The following BTK variants were observed in gnomAD, a reference collection of about 807,000 sequenced individuals.
The protein encoded by BTK is Bruton tyrosine kinase.
A neutral mutation model predicts 57.4 loss-of-function variants in BTK; 5 were observed. The observed-to-expected ratio is 0.09, with a 90% confidence interval of 0.05 to 0.18. The LOEUF (loss-of-function observed/expected upper bound fraction) is 0.18, where lower values mean the gene tolerates loss of function less well. BTK is among the 10% of genes least tolerant of loss of function. BTK has a pLI of 1.00. For synonymous variants in BTK, 154 were observed against 174.3 expected (o/e 0.88, Z 0.92); for missense variants, 194 against 501.2 (o/e 0.39, Z 5.85).
intron 7 of BTK, among the ~76,000 whole-genome samples, chrX:101,361,310 C>T (rs1438471091): frequency 9.0e-6 from 1 of 110,895 alleles, no homozygotes; most frequent in African/African-American, 3.3e-5. Context: ...GGAATGGGAC[C>T]CAAACATTAC....
intron 8 of BTK, 36 bp downstream of exon 8, chrX:101,360,532 A>G (rs1555978467): frequency 1.7e-6 from 2 of 1,194,745 alleles, no homozygotes; most frequent in Admixed American, 4.3e-5. Context: ...GGGAGTGGGC[A>G]GGCACCAGGC....
chrX:101,364,745 G>C (rs781848967), intron 5 of BTK, among the ~76,000 whole-genome samples: 6 of 109,609 alleles, frequency 5.5e-5, no homozygotes, highest in Non-Finnish European at 1.1e-4. Flanking sequence ...TGCATAGAGG[G>C]AATTTTTTTT....
chrX:101,388,227 T>C (rs962934933), upstream of BTK, among the ~76,000 whole-genome samples: 1 of 111,216 alleles, frequency 9.0e-6, no homozygotes, highest in Non-Finnish European at 1.9e-5. Context: ...AGATCCATCT[T>C]GGGGTGGGGA....
intron 3 of BTK, among the ~76,000 whole-genome samples, chrX:101,372,529 A>C (rs1927065772): frequency 9.2e-6 from 1 of 109,123 alleles, no homozygotes. Context: ...GCTCACTGCA[A>C]CCTCCGCCTC....
Position 101,356,959 on chromosome X carries a change from A to G in BTK, c.1178-4T>C. Reference sequence around the variant, plus strand: ...TTTGGATCAATTTCCCATGATCCTAACAATAAAGTCTTGGTGTGATTCTTT... The same window carrying G: ...TTTGGATCAATTTCCCATGATCCTAGCAATAAAGTCTTGGTGTGATTCTTT... On this transcript the variant is annotated splice_polypyrimidine_tract_variant and splice_region_variant and intron_variant, in intron 13 of 18. Transcript: ENST00000308731. The G allele has an allele frequency of 8.3e-7, 1 of 1,211,250 alleles. No homozygotes were observed. Among genetic ancestry groups the G allele is most frequent in the Non-Finnish European group, 1.1e-6 (1 of 894,765 alleles).
At position 101,353,197 on chromosome X, in the gene BTK, A is replaced by G. The variant is rs1639197227; in HGVS notation, c.1905T>C (p.His635=). ...KVYTIMYSCW[H]EKADERPTFK... is the part of the protein sequence containing the mutation. The stretch of plus-strand genomic sequence containing the variant: ...GAGATCCTAATAAAGCACTTACCTC[A>G]TGCCAGCAACTGTACATGATGGTAT... Residue 635 remains histidine, a synonymous_variant, in exon 18 of 19, where the codon CAT becomes CAC. Coordinates refer to ENST00000308731, the MANE Select transcript of BTK (RefSeq NM_000061.3). 8.3e-7 allele frequency: 1 copy of G among 1,210,346 alleles called. No individual in the cohort carries two copies. Among genetic ancestry groups the G allele is most frequent in the Non-Finnish European group, 1.1e-6 (1 of 894,715 alleles).
At chrX:101,389,050 G>A (rs1352656179), upstream of BTK, among the ~76,000 whole-genome samples, 1 of 111,526 alleles carries the variant, frequency 9.0e-6, no homozygotes, top group Non-Finnish European at 1.9e-5. Flanking sequence ...GATCTAATGT[G>A]CAATATAGTG....
intron 3 of BTK, among the ~76,000 whole-genome samples, chrX:101,372,530 C>T (rs1184539936): frequency 9.1e-6 from 1 of 109,299 alleles, no homozygotes; most frequent in Non-Finnish European, 1.9e-5. Context: ...CTCACTGCAA[C>T]CTCCGCCTCC....
chrX:101,389,579 T>C (rs3027600), upstream of BTK, among the ~76,000 whole-genome samples: 36,419 of 110,373 alleles, frequency 0.33, 7,192 homozygotes, highest in African/African-American at 0.75. Flanking sequence ...CGCGTGTTCC[T>C]GGAGGGTTGT....
intron 1 of BTK, among the ~76,000 whole-genome samples, chrX:101,382,959 G>A (rs1555982003): frequency 8.9e-6 from 1 of 111,733 alleles, no homozygotes; most frequent in Middle Eastern, 4.2e-3. Flanking sequence ...GAGCCCAAGA[G>A]TTCAAGGTCA....
chrX:101,355,220 T>C (rs1926429026), intron 15 of BTK, among the ~76,000 whole-genome samples: 1 of 112,362 alleles, frequency 8.9e-6, no homozygotes, highest in Non-Finnish European at 1.9e-5. Context: ...GAGTTTGCAG[T>C]GAGCCGAGAT....
At chrX:101,367,274 C>T (rs1926884558) in intron 5 of BTK, among the ~76,000 whole-genome samples, 2 of 108,159 alleles carry the variant, frequency 1.8e-5, no homozygotes, top group South Asian at 4.0e-4. Context: ...AAAGAAAGCT[C>T]ACAAGCTCAC....
intron 10 of BTK, 80 bp downstream of exon 10, chrX:101,359,213 G>A (rs1462475538): frequency 1.9e-6 from 2 of 1,054,075 alleles, no homozygotes; most frequent in African/African-American, 3.7e-5. Flanking sequence ...TTGCCCAAAG[G>A]TAGGGGGCAG....
At chrX:101,371,019 C>G (rs782215932) in intron 4 of BTK, among the ~76,000 whole-genome samples, 2 of 112,149 alleles carry the variant, frequency 1.8e-5, no homozygotes, top group Non-Finnish European at 3.8e-5. Flanking sequence ...AAAGCCCCCT[C>G]CCCTGAGACT....
intron 1 of BTK, among the ~76,000 whole-genome samples, chrX:101,385,272 G>A (rs1256069005): frequency 1.8e-5 from 2 of 111,423 alleles, no homozygotes; most frequent in Non-Finnish European, 3.8e-5. Flanking sequence ...GAGGATGAGT[G>A]GGAAGAGGAG....
chrX:101,351,780 C>T (rs182850687), intron 18 of BTK, among the ~76,000 whole-genome samples: 125 of 111,386 alleles, frequency 1.1e-3, no homozygotes, highest in African/African-American at 3.3e-3. Flanking sequence ...ACATACCCCA[C>T]GATGCACCAT....
intron 1 of BTK, among the ~76,000 whole-genome samples, chrX:101,375,623 C>G (rs990424454): frequency 1.8e-5 from 2 of 112,347 alleles, no homozygotes; most frequent in Non-Finnish European, 3.8e-5. Flanking sequence ...GTAGAGGTAG[C>G]TTTACACTAT....
At chrX:101,367,276 C>G (rs1169019359) in intron 5 of BTK, among the ~76,000 whole-genome samples, 1 of 108,224 alleles carries the variant, frequency 9.2e-6, no homozygotes, top group Non-Finnish European at 1.9e-5. Flanking sequence ...AGAAAGCTCA[C>G]AAGCTCACAA....
intron 12 of BTK, 121 bp downstream of exon 12, chrX:101,358,189 G>GGTA (rs1555978106): frequency 1.9e-6 from 2 of 1,061,130 alleles, no homozygotes; most frequent in East Asian, 6.1e-5. Flanking sequence ...AGTATCACAG[G>GGTA]GATTTCCTTT....
Sources: gnomAD v4.1 joint callset for allele counts (sites outside exome capture counted in the v4.1 genomes callset) on GRCh38, gnomAD v4.1.1 for gene constraint, MANE v1.5 for transcripts, NCBI Gene and HGNC (gene_info 2026-07-23, HGNC 2026-07-21) for gene names.